Variants in SLITRK5 observed in about 807,000 individuals in gnomAD.
The protein encoded by SLITRK5 is SLIT and NTRK-like protein 5.
Under a neutral mutation model 56.2 loss-of-function variants are expected in SLITRK5, and 23 were observed. The observed-to-expected ratio is 0.41, with a 90% confidence interval of 0.29 to 0.58. SLITRK5 has a LOEUF of 0.58. SLITRK5 is among the 20% of genes least tolerant of loss of function. The pLI is 0.30. For synonymous variants in SLITRK5, 637 were observed against 531.8 expected, an observed-to-expected ratio of 1.20 and a Z score of -2.72; for missense variants, 1,289 against 1,226.6, an observed-to-expected ratio of 1.05 and a Z score of -0.76.
At chr13:87,673,801 G>A (rs1485521128) in intron 1 of SLITRK5, among the ~76,000 whole-genome samples, 1 of 152,098 alleles carries the variant, frequency 6.6e-6, no homozygotes, top group Non-Finnish European at 1.5e-5. Context: ...TCGACTTGGG[G>A]ATCAGGAGCA....
In SLITRK5 at chr13:87,672,048, A is replaced by AG. The variant is rs909205520; in HGVS notation, c.-164dup. Among the ~76,000 whole-genome samples, 100 of 151,946 alleles carry AG rather than the reference A, an allele frequency of 6.6e-4. No individual in the cohort carries two copies. The Middle Eastern group carries it at 0.01, about 16-fold the overall frequency. On this transcript the variant is annotated 5_prime_UTR_variant, in exon 1 of 2. An upstream open reading frame in the 5' UTR loses its in-frame stop. Coordinates refer to ENST00000683689, the MANE Select transcript of SLITRK5 (RefSeq NM_001384609.1). ...CGTCCCCCGGCGTGCGCCACTGACC[A>AG]GGGGGGAATGTGGTGAAGACGGCGA...
chr13:87,677,642 A>C lies in SLITRK5; in HGVS notation c.2254A>C (p.Ile752Leu), dbSNP rs1218332134. ...KTPAGHVYEY[I>L]PHPLGHMCKN... ...GCCCGCGGGCCACGTGTATGAATAC[A>C]TCCCCCACCCACTGGGCCACATGTG... The change falls in exon 2 of 2, where the codon ATC becomes CTC. Residue 752 changes from isoleucine to leucine, a missense_variant. Ile to Leu is a conservative substitution (Grantham distance 5). Transcript: ENST00000683689. This position sits in a 1 kb window ranked among gnomAD's most constrained non-coding sequence, Gnocchi z 4.7. The C allele has an allele frequency of 6.2e-7, 1 of 1,608,464 alleles. No homozygotes were observed.
chr13:87,674,393 C>G (rs1366995370), intron 1 of SLITRK5: 1 of 985,134 alleles, frequency 1.0e-6, no homozygotes, highest in African/African-American at 1.7e-5. Context: ...TGCAAATAGA[C>G]GCGGAGCCCA....
In SLITRK5 at chr13:87,677,543, G is replaced by A; in HGVS notation, c.2155G>A (p.Gly719Ser). ...SFNMQYSVYG[G>S]GGGTGGHPHA... ...TAACATGCAGTACAGCGTGTACGGCGGCGGCGGCGGCACGGGCGGCCACCC... is the reference window on the plus strand; with the variant it reads ...TAACATGCAGTACAGCGTGTACGGCAGCGGCGGCGGCACGGGCGGCCACCC... The change falls in exon 2 of 2, where the codon GGC becomes AGC. Residue 719 changes from glycine (G) to serine (S), a missense_variant. Gly to Ser is a moderately conservative substitution (Grantham distance 56). This residue lies in a region of SLITRK5 where 985 missense variants were observed against 906.0 expected (regional missense o/e 1.09). Transcript: ENST00000683689. This position sits in a 1 kb window ranked among gnomAD's most constrained non-coding sequence, Gnocchi z 4.7. The A allele has an allele frequency of 6.2e-7, 1 of 1,607,918 alleles. No homozygotes were observed. Among genetic ancestry groups the A allele is most frequent in the Non-Finnish European group, 8.5e-7 (1 of 1,176,256 alleles).
rs1359537400 is a variant in SLITRK5 at position 87,677,187 on chromosome 13, A to G, written c.1799A>G (p.Glu600Gly). 1 of 1,614,026 alleles carries G rather than the reference A, an allele frequency of 6.2e-7. No individual in the cohort carries two copies. Residue 600 changes from glutamate to glycine, a missense_variant, in exon 2 of 2, where the codon GAG (glutamate) becomes GGG (glycine). Physicochemically the swap from Glu to Gly is moderately conservative, Grantham distance 98. Coordinates refer to ENST00000683689, the MANE Select transcript of SLITRK5 (RefSeq NM_001384609.1). The surrounding 1 kb of genome is among the most constrained non-coding windows in gnomAD (Gnocchi z 4.7). ...VICKAPKKFA[E>G]TDMRSIKSEL... ...TGTAAGGCGCCCAAAAAATTCGCTG[A>G]GACCGACATGCGCTCCATTAAGTCG...
chr13:87,673,061 C>G (rs1877112151), intron 1 of SLITRK5, among the ~76,000 whole-genome samples: 1 of 151,622 alleles, frequency 6.6e-6, no homozygotes, highest in South Asian at 2.1e-4. Flanking sequence ...CAGCTGTGCC[C>G]GGAGCCTCCG....
rs573316445 is a variant in SLITRK5, at chr13:87,674,432, TG to T, written c.-8-947del. On this transcript the variant is annotated intron_variant, in intron 1 of 1. Coordinates refer to ENST00000683689, the MANE Select transcript of SLITRK5 (RefSeq NM_001384609.1). Reference sequence around the variant, plus strand: ...TAAGGGAGGCTTTCGTGCTGATCCTTGGTGTACTGATTCCCGGTAAGCGGTA... The same window carrying T: ...TAAGGGAGGCTTTCGTGCTGATCCTTGTGTACTGATTCCCGGTAAGCGGTA... 1.2e-4 allele frequency: 117 copies of T among 984,430 alleles called. No homozygotes were observed. The Middle Eastern group carries it at 3.1e-3, about 26-fold the overall frequency. 61.0% of individuals were successfully genotyped at this position (984,430 alleles called of 1,614,324 possible).
chr13:87,674,429 C>T (rs1877182513), intron 1 of SLITRK5: 1 of 984,378 alleles, frequency 1.0e-6, no homozygotes, highest in Non-Finnish European at 1.2e-6. Flanking sequence ...TCGTGCTGAT[C>T]CTTGGTGTAC....
chr13:87,674,993 C>T (rs1332855121), intron 1 of SLITRK5, among the ~76,000 whole-genome samples: 1 of 151,562 alleles, frequency 6.6e-6, no homozygotes, highest in African/African-American at 2.4e-5. Context: ...AGGTGGGGAA[C>T]CTTGTAAAAT....
chr13:87,674,060 C>T (rs1877165337), intron 1 of SLITRK5, among the ~76,000 whole-genome samples: 1 of 151,260 alleles, frequency 6.6e-6, no homozygotes, highest in African/African-American at 2.4e-5. Flanking sequence ...CATTTATGTC[C>T]TTCCTTTAAG....
rs539339819 is a variant in SLITRK5 at position 87,676,985 on chromosome 13, C to A, written c.1597C>A (p.Leu533Ile). The change falls in exon 2 of 2, where the codon CTA becomes ATA. Residue 533 changes from leucine (L) to isoleucine (I), a missense_variant. Transcript: ENST00000683689. ...GVFSGLTLLRLNLRSNHFTSL... is the reference protein window; with the variant it reads ...GVFSGLTLLRINLRSNHFTSL... ...CTTCTCTGGCTTGACCCTCCTCAGG[C>A]TAAACCTGAGGAGTAACCACTTCAC... The A allele has an allele frequency of 3.1e-6, 5 of 1,614,110 alleles. No individual in the cohort carries two copies. In the South Asian group the frequency reaches 5.5e-5, roughly 18 times the overall value.
intron 1 of SLITRK5, among the ~76,000 whole-genome samples, chr13:87,673,993 C>T (rs1456005815): frequency 7.0e-6 from 1 of 141,880 alleles, no homozygotes; most frequent in Non-Finnish European, 1.5e-5. Context: ...AGCATGCGCG[C>T]GCGCGCACAC....
In SLITRK5 at chr13:87,678,413, A is replaced by C; in HGVS notation, c.*148A>C. On this transcript the variant is annotated 3_prime_UTR_variant, in exon 2 of 2. Coordinates refer to ENST00000683689, the MANE Select transcript of SLITRK5 (RefSeq NM_001384609.1). The stretch of plus-strand genomic sequence containing the variant: ...TTTCTCAGCTTCGGTGGAAGATACG[A>C]AAAGGGTGTGCAATTTCCTTTAAAA... 1.4e-6 allele frequency: 1 copy of C among 739,920 alleles called. No homozygotes were observed. The highest frequency in any genetic ancestry group is 2.2e-6 in the Non-Finnish European group (1 of 448,126). The allele number at this position is 739,920 out of a possible 1,614,324, so 45.8% of individuals were successfully genotyped here. A position where few individuals can be genotyped will look rare whatever the true frequency, so the allele number is the denominator to read the frequency against.
chr13:87,677,265 C>G lies in SLITRK5; in HGVS notation c.1877C>G (p.Ser626Cys), dbSNP rs763636516. 1.9e-6 allele frequency: 3 copies of G among 1,614,104 alleles called. No homozygotes were observed. The South Asian group carries it at 3.3e-5, about 18-fold the overall frequency. Reference sequence around the variant, plus strand: ...GTAGTAGTTTCCACGCCCACACCCTCCTCTATCCAGGTCCCTGCGAGGACC... The same window carrying G: ...GTAGTAGTTTCCACGCCCACACCCTGCTCTATCCAGGTCCCTGCGAGGACC... Reference protein sequence around the residue: ...SDVVVSTPTPSSIQVPARTSA... With the variant: ...SDVVVSTPTPCSIQVPARTSA... Residue 626 changes from serine to cysteine, a missense_variant, in exon 2 of 2, where the codon TCC (serine) becomes TGC (cysteine). Around this residue, in one of 3 missense-constraint regions of SLITRK5, gnomAD observed 985 missense variants for 906.0 expected, o/e 1.09. Transcript: ENST00000683689. The surrounding 1 kb of genome is among the most constrained non-coding windows in gnomAD (Gnocchi z 4.7).
In SLITRK5 at chr13:87,678,102, G is replaced by T. The variant is rs1431968007; in HGVS notation, c.2714G>T (p.Gly905Val). 1 of 1,614,200 alleles carries T rather than the reference G, an allele frequency of 6.2e-7. No homozygotes were observed. Among genetic ancestry groups the T allele is most frequent in the Non-Finnish European group, 8.5e-7 (1 of 1,180,042 alleles). Residue 905 changes from glycine (G) to valine (V), a missense_variant, in exon 2 of 2, where the codon GGG becomes GTG. This residue lies in a region of SLITRK5 where 985 missense variants were observed against 906.0 expected (regional missense o/e 1.09). Coordinates refer to ENST00000683689, the MANE Select transcript of SLITRK5 (RefSeq NM_001384609.1). The stretch of plus-strand genomic sequence containing the variant: ...CGCCCCCATCAGTATTTGCACCCGG[G>T]GGCAGGGGACAGCAGGCTACGGGAA... ...LRRPHQYLHPGAGDSRLREPV... is the reference protein window; with the variant it reads ...LRRPHQYLHPVAGDSRLREPV...
Position 87,677,406 on chromosome 13 carries a change from T to C in SLITRK5, c.2018T>C (p.Val673Ala). Residue 673 changes from valine (V) to alanine (A), a missense_variant, in exon 2 of 2, where the codon GTT (valine) becomes GCT (alanine). By Grantham distance (64) the Val-to-Ala change is moderately conservative. Coordinates refer to ENST00000683689, the MANE Select transcript of SLITRK5 (RefSeq NM_001384609.1). This position sits in a 1 kb window ranked among gnomAD's most constrained non-coding sequence, Gnocchi z 4.7. The stretch of plus-strand genomic sequence containing the variant: ...GTGTTAATTCTCAGCCTCCTGCTGG[T>C]TTTCATCATGTCCGTCTTCGTGGCC... ...LSVLILSLLL[V>A]FIMSVFVAAG... 1.2e-6 allele frequency: 2 copies of C among 1,613,636 alleles called. No homozygotes were observed. Among genetic ancestry groups the C allele is most frequent in the Non-Finnish European group, 8.5e-7 (1 of 1,179,972 alleles).
At position 87,676,624 on chromosome 13, in the gene SLITRK5, G is replaced by C; in HGVS notation, c.1236G>C (p.Lys412Asn). Residue 412 changes from lysine to asparagine, a missense_variant, in exon 2 of 2, where the codon AAG becomes AAC. Lys to Asn is a moderately conservative substitution (Grantham distance 94, BLOSUM62 0). Coordinates refer to ENST00000683689, the MANE Select transcript of SLITRK5 (RefSeq NM_001384609.1). Reference sequence around the variant, plus strand: ...TGCAGCCCAAGCCCTACAATCCCAAGAAAATGTATCTGACAGAGAACTACA... The same window carrying C: ...TGCAGCCCAAGCCCTACAATCCCAACAAAATGTATCTGACAGAGAACTACA... ...AELQPKPYNP[K>N]KMYLTENYIA... 6.2e-7 allele frequency: 1 copy of C among 1,614,034 alleles called. No homozygotes were observed. The highest frequency in any genetic ancestry group is 8.5e-7 in the Non-Finnish European group (1 of 1,180,034).
Position 87,671,604 on chromosome 13 carries a change from A to T in SLITRK5, c.-614A>T, listed in dbSNP as rs1877025883. Reference sequence around the variant, plus strand: ...GGCTGCCAGGACAAGCCACAGGCATAGAACGACGCGGTTGCTGCCCGCCCC... The same window carrying T: ...GGCTGCCAGGACAAGCCACAGGCATTGAACGACGCGGTTGCTGCCCGCCCC... On this transcript the variant is annotated 5_prime_UTR_variant, in exon 1 of 2. Transcript: ENST00000683689. Among the ~76,000 whole-genome samples, 1 of 152,094 alleles carries T rather than the reference A, an allele frequency of 6.6e-6. No homozygotes were observed. The highest frequency in any genetic ancestry group is 2.1e-4 in the South Asian group (1 of 4,832).
rs754642534 is a variant in SLITRK5, at chr13:87,675,757, G to T, written c.369G>T (p.Gly123=). ...GSNVIQDIET[G]AFHGLRGLRR... ...ATGTTATCCAGGACATTGAGACCGG[G>T]GCTTTCCATGGGCTACGGGGTTTGA... Residue 123 remains glycine, a synonymous_variant, in exon 2 of 2, where the codon GGG becomes GGT. Coordinates refer to ENST00000683689, the MANE Select transcript of SLITRK5 (RefSeq NM_001384609.1). 1.2e-6 allele frequency: 2 copies of T among 1,614,098 alleles called. No homozygotes were observed. The highest frequency in any genetic ancestry group is 2.2e-5 in the South Asian group (2 of 91,080).
Sources: allele counts gnomAD v4.1 joint callset (sites outside exome capture counted in the v4.1 genomes callset), GRCh38; gene constraint gnomAD v4.1.1; regional missense constraint gnomAD v4.1.1; non-coding constraint Gnocchi (gnomAD v3.1); transcripts MANE v1.5; gene names NCBI Gene and HGNC (gene_info 2026-07-23, HGNC 2026-07-21).